The following EMC7 variants were observed in gnomAD, a reference collection of about 807,000 sequenced individuals.
The protein encoded by EMC7 is endoplasmic reticulum membrane protein complex subunit 7.
Under a neutral mutation model 24.4 loss-of-function variants are expected in EMC7, and 4 were observed. The ratio of observed to expected loss-of-function variants is 0.16; its 90% CI spans 0.08 to 0.38. The LOEUF is 0.38. Among genes scored for constraint, EMC7 ranks in the 10% least tolerant of loss-of-function variants. The pLI is 1.00. For synonymous variants in EMC7, 106 were observed against 112.0 expected, an observed-to-expected ratio of 0.95 and a Z score of 0.34; for missense variants, 221 against 300.6, an observed-to-expected ratio of 0.74 and a Z score of 1.96.
At chr15:34,086,718 C>T (rs1452223189) in intron 4 of EMC7, among the ~76,000 whole-genome samples, 4 of 152,234 alleles carry the variant, frequency 2.6e-5, no homozygotes, top group South Asian at 2.1e-4. Context: ...CCTGCGCCAC[C>T]GCGCCCGGCC....
intron 2 of EMC7, among the ~76,000 whole-genome samples, chr15:34,093,823 A>ATATATATATATATAT (rs1190830993): frequency 8.2e-5 from 4 of 48,706 alleles, no homozygotes; most frequent in Middle Eastern, 0.012. Flanking sequence ...ATATATATAT[A>ATATATATATATATAT]TTTTTTTTTT....
chr15:34,086,583 C>T (rs1662197520), intron 4 of EMC7, among the ~76,000 whole-genome samples: 1 of 152,214 alleles, frequency 6.6e-6, no homozygotes. Flanking sequence ...CATGCGCCAC[C>T]ATGCCCGGCT....
At chr15:34,096,930 T>A (rs930382844) in intron 1 of EMC7, among the ~76,000 whole-genome samples, 21 of 149,932 alleles carry the variant, frequency 1.4e-4, no homozygotes, top group African/African-American at 5.1e-4. Flanking sequence ...GAGGTTGCAG[T>A]GAGCTGTCCA....
At chr15:34,093,027 T>C (rs1197281138) in intron 2 of EMC7, among the ~76,000 whole-genome samples, 1 of 152,216 alleles carries the variant, frequency 6.6e-6, no homozygotes, top group Admixed American at 6.5e-5. Context: ...AAGAAACTTA[T>C]TTAATTCATG....
At chr15:34,088,263 C>A in intron 3 of EMC7, 130 bp from the exon 4 acceptor site, 1 of 722,190 alleles carries the variant, frequency 1.4e-6, no homozygotes, top group Non-Finnish European at 2.3e-6. Flanking sequence ...TAGTAGCAAC[C>A]ACCGCAATTC....
In EMC7 at chr15:34,095,926, G is replaced by T. The variant is rs1272191470; in HGVS notation, c.325C>A (p.Arg109=). The change falls in exon 2 of 5, where the codon CGA becomes AGA. Residue 109 remains arginine (R), a synonymous_variant. Coordinates refer to ENST00000256545, the MANE Select transcript of EMC7 (RefSeq NM_020154.3). ...TTTCCTTTCGAAGTGATATCCACTC[G>T]AACGGGATCAAATCTGTAAGCTGGA... is the stretch of plus-strand genomic sequence containing the variant. ...VSPAYRFDPV[R]VDITSKGKMR... is the part of the protein sequence containing the mutation. The T allele has an allele frequency of 1.2e-6, 2 of 1,609,592 alleles. No homozygotes were observed. The highest frequency in any genetic ancestry group is 1.7e-6 in the Non-Finnish European group (2 of 1,176,954).
intron 2 of EMC7, among the ~76,000 whole-genome samples, chr15:34,093,806 C>CACACACACACACACACATATAT (rs61440619): frequency 9.9e-5 from 3 of 30,252 alleles, no homozygotes; most frequent in African/African-American, 1.7e-4. Context: ...CACACACACA[C>CACACACACACACACACATATAT]ATATATATAT....
chr15:34,087,259 C>A (rs1268912450), intron 4 of EMC7, among the ~76,000 whole-genome samples: 1 of 152,108 alleles, frequency 6.6e-6, no homozygotes, highest in Non-Finnish European at 1.5e-5. Flanking sequence ...AATGGGGAAC[C>A]TTGAAACTCA....
rs771832394 is a variant in EMC7 at position 34,084,284 on chromosome 15, G to T, written c.*50C>A. The T allele has an allele frequency of 2.0e-5, 32 of 1,569,154 alleles. No homozygotes were observed. Among genetic ancestry groups the T allele is most frequent in the Non-Finnish European group, 2.8e-5 (32 of 1,152,896 alleles). ...TCACACGGTTTTCCAAGACTTGGAT[G>T]CCACCCAGTGTTGCCGTGTTTGTGC... On this transcript the variant is annotated 3_prime_UTR_variant, in exon 5 of 5. Coordinates refer to ENST00000256545, the MANE Select transcript of EMC7 (RefSeq NM_020154.3).
At chr15:34,090,663 C>T (rs111443866) in intron 2 of EMC7, among the ~76,000 whole-genome samples, 166 of 152,226 alleles carry the variant, frequency 1.1e-3, no homozygotes, top group Non-Finnish European at 1.6e-3. Context: ...GAGAAAAAAA[C>T]GCTAGACTTG....
At chr15:34,095,774 A>T in intron 2 of EMC7, 121 bp downstream of exon 2, 1 of 943,958 alleles carries the variant, frequency 1.1e-6, no homozygotes, top group Non-Finnish European at 1.5e-6. Flanking sequence ...TAAGTGTTTT[A>T]AGGAATAGCT....
Position 34,092,261 on chromosome 15 carries a change from T to TCACACACACACACACACACACACA in EMC7, c.357-1830_357-1807dup, listed in dbSNP as rs375005510. On this transcript the variant is annotated intron_variant, in intron 2 of 4. Coordinates refer to ENST00000256545, the MANE Select transcript of EMC7 (RefSeq NM_020154.3). Reference sequence around the variant, plus strand: ...GCCTGGGTGACAGAGTGAGACTCCGTCACACACACACACACACACACACAC... The same window carrying TCACACACACACACACACACACACA: ...GCCTGGGTGACAGAGTGAGACTCCGTCACACACACACACACACACACACACACACACACACACACACACACACAC... Among the ~76,000 whole-genome samples, 177 of 141,646 alleles carry TCACACACACACACACACACACACA rather than the reference T, an allele frequency of 1.2e-3. 2 individuals carry two copies. The highest frequency in any genetic ancestry group is 3.9e-3 in the African/African-American group (150 of 38,112). 92.9% of individuals were successfully genotyped at this position (141,646 alleles called of 152,430 possible). A position where few individuals can be genotyped will look rare whatever the true frequency, so the allele number is the denominator to read the frequency against.
intron 1 of EMC7, 106 bp downstream of exon 1, chr15:34,101,498 C>A: frequency 8.2e-7 from 1 of 1,216,584 alleles, no homozygotes; most frequent in Non-Finnish European, 1.2e-6. Context: ...CCCTCCCCTT[C>A]AGTCTGAGAC....
chr15:34,092,293 A>ACACACACACACACACAC (rs1555523196), intron 2 of EMC7, among the ~76,000 whole-genome samples: 12 of 151,644 alleles, frequency 7.9e-5, no homozygotes, highest in Non-Finnish European at 1.2e-4. Flanking sequence ...ACACACACAC[A>ACACACACACACACACAC]AAGAATTAGG....
intron 1 of EMC7, among the ~76,000 whole-genome samples, chr15:34,099,781 T>C (rs1901146572): frequency 6.6e-6 from 1 of 152,020 alleles, no homozygotes; most frequent in Non-Finnish European, 1.5e-5. Context: ...AATTATTTAT[T>C]TTTTGTAGAA....
At chr15:34,094,043 G>A (rs985137688) in intron 2 of EMC7, among the ~76,000 whole-genome samples, 1 of 151,140 alleles carries the variant, frequency 6.6e-6, no homozygotes, top group African/African-American at 2.4e-5. Context: ...ACAAAGTAGG[G>A]GGGAAAAGTA....
chr15:34,097,721 A>T (rs1456750840), intron 1 of EMC7, among the ~76,000 whole-genome samples: 2 of 152,198 alleles, frequency 1.3e-5, no homozygotes, highest in Non-Finnish European at 2.9e-5. Flanking sequence ...TAAAGGAATA[A>T]CTGATACTGA....
At chr15:34,087,755 T>A (rs11633096) in intron 4 of EMC7, among the ~76,000 whole-genome samples, 1,629 of 152,328 alleles carry the variant, frequency 0.011, 11 homozygotes, top group Middle Eastern at 0.027. Context: ...GATACTATGT[T>A]AATACAACCT....
chr15:34,101,523 G>A (rs1278163576), intron 1 of EMC7, 81 bp downstream of exon 1: 2 of 1,454,328 alleles, frequency 1.4e-6, no homozygotes, highest in Non-Finnish European at 1.9e-6. Flanking sequence ...ACGTTGTCCC[G>A]TCCTGACACT....
Sources: gnomAD v4.1 joint callset for allele counts (sites outside exome capture counted in the v4.1 genomes callset) on GRCh38, gnomAD v4.1.1 for gene constraint, MANE v1.5 for transcripts, NCBI Gene and HGNC (gene_info 2026-07-23, HGNC 2026-07-21) for gene names.